Variants in CBL observed in about 807,000 individuals in gnomAD.
The protein encoded by CBL is E3 ubiquitin-protein ligase CBL.
Under a neutral mutation model 96.9 loss-of-function variants are expected in CBL, and 45 were observed. The ratio of observed to expected loss-of-function variants is 0.46; its 90% CI spans 0.37 to 0.60. The LOEUF (loss-of-function observed/expected upper bound fraction) is 0.60. Among genes scored for constraint, CBL ranks in the 20% least tolerant of loss-of-function variants. The probability of loss-of-function intolerance (pLI) is 0.00; values close to 1 mark genes in which losing one functional copy is unlikely to be tolerated. For synonymous variants in CBL, 420 were observed against 426.8 expected (o/e 0.98, Z 0.20); for missense variants, 1,024 against 1,143.5 (o/e 0.90, Z 1.51).
At chr11:119,294,114 T>C (rs1053968093) in intron 12 of CBL, among the ~76,000 whole-genome samples, 1 of 152,228 alleles carries the variant, frequency 6.6e-6, no homozygotes, top group African/African-American at 2.4e-5. Context: ...TTATGGACTT[T>C]ATTAACAGAG....
rs1949512044 is a variant in CBL, at chr11:119,232,591, G to A, written c.339G>A (p.Glu113=). The A allele has an allele frequency of 1.2e-6, 2 of 1,613,982 alleles. No individual in the cohort carries two copies. Among genetic ancestry groups the A allele is most frequent in the African/African-American group, 1.3e-5 (1 of 74,904 alleles). The change falls in exon 2 of 16, where the codon GAG becomes GAA. Residue 113 remains glutamate, a synonymous_variant. Transcript: ENST00000264033. ...EGKMETLGEN[E]YFRVFMENLM... Reference sequence around the variant, plus strand: ...AGATGGAGACACTTGGAGAAAATGAGTATTTTAGGGTGTTTATGGAGAATT... The same window carrying A: ...AGATGGAGACACTTGGAGAAAATGAATATTTTAGGGTGTTTATGGAGAATT...
chr11:119,299,472 A>G (rs1235055729), intron 15 of CBL, 23 bp from the exon 16 acceptor site: 3 of 1,610,786 alleles, frequency 1.9e-6, no homozygotes, highest in Non-Finnish European at 2.5e-6. Flanking sequence ...ATTTGCAAAT[A>G]TTTTCTTTCC....
intron 6 of CBL, 139 bp downstream of exon 6, chr11:119,276,273 C>T: frequency 2.2e-6 from 2 of 895,002 alleles, no homozygotes; most frequent in South Asian, 1.4e-5. Flanking sequence ...ATTGATTTGA[C>T]CTTCAGGTCC....
Position 119,278,577 on chromosome 11 carries a change from A to G in CBL, c.1295A>G (p.Asp432Gly), listed in dbSNP as rs2135304574. ...EIKGTEPIVV[D>G]PFDPRGSGSL... is the part of the protein sequence containing the mutation. ...AAAGGTACTGAACCCATCGTGGTAG[A>G]TCCGTTTGATCCTAGAGGGAGTGGC... Residue 432 changes from aspartate (D) to glycine (G), a missense_variant, in exon 9 of 16, where the codon GAT (aspartate) becomes GGT (glycine). Around this residue, in one of 4 missense-constraint regions of CBL, gnomAD observed 695 missense variants for 661.6 expected, o/e 1.05. Coordinates refer to ENST00000264033, the MANE Select transcript of CBL (RefSeq NM_005188.4). 1 of 1,614,104 alleles carries G rather than the reference A, an allele frequency of 6.2e-7. No individual in the cohort carries two copies. The highest frequency in any genetic ancestry group is 8.5e-7 in the Non-Finnish European group (1 of 1,180,014).
intron 12 of CBL, among the ~76,000 whole-genome samples, chr11:119,296,026 A>T (rs746929732): frequency 6.6e-6 from 1 of 152,212 alleles, no homozygotes; most frequent in Non-Finnish European, 1.5e-5. Flanking sequence ...TAATATGTAG[A>T]TATAAGAAAA....
At chr11:119,255,852 ATTG>A (rs1949707145) in intron 2 of CBL, among the ~76,000 whole-genome samples, 1 of 151,780 alleles carries the variant, frequency 6.6e-6, no homozygotes, top group East Asian at 1.9e-4. Flanking sequence ...TTTAATGGTT[ATTG>A]TTTTATTCAG....
At chr11:119,213,713 T>C (rs1949335925) in intron 1 of CBL, among the ~76,000 whole-genome samples, 1 of 152,176 alleles carries the variant, frequency 6.6e-6, no homozygotes, top group Admixed American at 6.6e-5. Flanking sequence ...TTTTTATTTA[T>C]TTTTTACTTA....
At position 119,299,641 on chromosome 11, in the gene CBL, A is replaced by G. The variant is rs540480725; in HGVS notation, c.2581A>G (p.Ile861Val). 6.2e-7 allele frequency: 1 copy of G among 1,614,170 alleles called. No individual in the cohort carries two copies. The highest frequency in any genetic ancestry group is 1.1e-5 in the South Asian group (1 of 91,084). ...ATASPQLSSE[I>V]ENLMSQGYSY... is the part of the protein sequence containing the mutation. ...CGCCTCACCTCAGCTCTCCAGTGAG[A>G]TCGAGAACCTCATGAGTCAGGGGTA... is the stretch of plus-strand genomic sequence containing the variant. The change falls in exon 16 of 16, where the codon ATC becomes GTC. Residue 861 changes from isoleucine to valine, a missense_variant. Ile to Val is a conservative substitution (Grantham distance 29, BLOSUM62 3). Transcript: ENST00000264033.
intron 12 of CBL, among the ~76,000 whole-genome samples, chr11:119,290,711 T>C (rs1182270259): frequency 6.7e-6 from 1 of 149,254 alleles, no homozygotes; most frequent in African/African-American, 2.4e-5. Context: ...AGTCTTGCTC[T>C]GTCACCCAGG....
rs528004081 is a variant in CBL, at chr11:119,300,981, T to G, written c.*1200T>G. On this transcript the variant is annotated 3_prime_UTR_variant, in exon 16 of 16. Coordinates refer to ENST00000264033, the MANE Select transcript of CBL (RefSeq NM_005188.4). ...TCATTTGAACATGAGGAATATTAGG[T>G]TATATTTTCAGCAGTGGTTTTTTCC... 4.2e-6 allele frequency: 1 copy of G among 235,926 alleles called. No individual in the cohort carries two copies. Among genetic ancestry groups the G allele is most frequent in the South Asian group, 1.8e-4 (1 of 5,548 alleles). 14.6% of individuals were successfully genotyped at this position (235,926 alleles called of 1,614,324 possible).
chr11:119,249,336 A>G lies in CBL; in HGVS notation c.443+16641A>G, dbSNP rs1949654171. 2.0e-5 allele frequency among the ~76,000 whole-genome samples: 3 copies of G among 152,148 alleles called. No homozygotes were observed. In the South Asian group the frequency reaches 6.2e-4, roughly 31 times the overall value. On this transcript the variant is annotated intron_variant, in intron 2 of 15. Coordinates refer to ENST00000264033, the MANE Select transcript of CBL (RefSeq NM_005188.4). ...TTTGGGAGGCCAAGCAGGGCAGAACACTTGAAGTCAGGAGTTTGAGACCAG... is the reference window on the plus strand; with the variant it reads ...TTTGGGAGGCCAAGCAGGGCAGAACGCTTGAAGTCAGGAGTTTGAGACCAG...
chr11:119,239,653 T>G (rs182961245), intron 2 of CBL, among the ~76,000 whole-genome samples: 47 of 152,340 alleles, frequency 3.1e-4, no homozygotes, highest in Admixed American at 1.8e-3. Flanking sequence ...CATCTTTGTC[T>G]TTTTGGTATT....
At chr11:119,256,145 A>C (rs1949709133) in intron 2 of CBL, among the ~76,000 whole-genome samples, 1 of 151,784 alleles carries the variant, frequency 6.6e-6, no homozygotes, top group African/African-American at 2.4e-5. Flanking sequence ...TGTTGCAGTA[A>C]CGTCTATATG....
chr11:119,276,269 T>G (rs1486085130), intron 6 of CBL, 135 bp downstream of exon 6: 1 of 944,468 alleles, frequency 1.1e-6, no homozygotes, highest in African/African-American at 1.6e-5. Context: ...TGATATTGAT[T>G]TGACCTTCAG....
intron 9 of CBL, among the ~76,000 whole-genome samples, chr11:119,281,476 C>T (rs901401176): frequency 1.3e-5 from 2 of 150,442 alleles, no homozygotes; most frequent in Middle Eastern, 3.5e-3. Flanking sequence ...CGCTTCCTTT[C>T]CCTCTGTCAC....
At chr11:119,223,741 C>T (rs1208996922) in intron 1 of CBL, among the ~76,000 whole-genome samples, 4 of 152,090 alleles carry the variant, frequency 2.6e-5, no homozygotes, top group African/African-American at 9.7e-5. Flanking sequence ...ATTCTCCTGT[C>T]TCAGCCTCCC....
At chr11:119,255,739 A>T (rs1264142478) in intron 2 of CBL, among the ~76,000 whole-genome samples, 1 of 152,166 alleles carries the variant, frequency 6.6e-6, no homozygotes, top group Non-Finnish European at 1.5e-5. Flanking sequence ...GGGTACATTT[A>T]GCAAAATTCT....
chr11:119,216,207 CACT>C (rs1307804867), intron 1 of CBL, among the ~76,000 whole-genome samples: 1 of 152,198 alleles, frequency 6.6e-6, no homozygotes, highest in Non-Finnish European at 1.5e-5. Context: ...TCACAACCAC[CACT>C]GTTTGCTGCC....
In CBL at chr11:119,299,770, G is replaced by A. The variant is rs17122769; in HGVS notation, c.2710G>A (p.Val904Ile). The A allele has an allele frequency of 8.2e-4, 1,329 of 1,614,104 alleles. 7 individuals carry two copies. In the African/African-American group the frequency reaches 0.014, roughly 17 times the overall value. Residue 904 changes from valine (V) to isoleucine (I), a missense_variant, in exon 16 of 16, where the codon GTA (valine) becomes ATA (isoleucine). Transcript: ENST00000264033. The stretch of plus-strand genomic sequence containing the variant: ...TGTTTCCATTTCTTCTCCTGCCCAT[G>A]TAGCTACCTAGCACACCATCTCCCT... ...EFVSISSPAH[V>I]AT
Sources: allele counts gnomAD v4.1 joint callset (sites outside exome capture counted in the v4.1 genomes callset), GRCh38; gene constraint gnomAD v4.1.1; regional missense constraint gnomAD v4.1.1; transcripts MANE v1.5; gene names NCBI Gene and HGNC (gene_info 2026-07-23, HGNC 2026-07-21).